The following CALD1 variants were observed in gnomAD, a reference collection of about 807,000 sequenced individuals.
CALD1 encodes caldesmon 1, also known as caldesmon.
CALD1 carries 33 observed loss-of-function variants against 99.9 expected under a neutral mutation model. That is an observed-to-expected ratio of 0.33 (90% CI 0.25 to 0.44). CALD1 has a LOEUF of 0.44. Ranked by LOEUF, CALD1 falls within the 20% of genes least tolerant of loss-of-function variation. CALD1 has a pLI of 1.00. For missense variants in CALD1, 861 were observed against 962.1 expected, an observed-to-expected ratio of 0.89 and a Z score of 1.39; for synonymous variants, 310 against 325.0, an observed-to-expected ratio of 0.95 and a Z score of 0.50.
rs141120436 is a variant in CALD1 at position 134,745,202 on chromosome 7, T to C, written c.-130+839T>C. ...AGAGAAGATAAAATTAAAACTCCAT[T>C]TAAAAAGTTAATCAAATAAATACCT... is the stretch of plus-strand genomic sequence containing the variant. On this transcript the variant is annotated intron_variant, in intron 1 of 13. Transcript: ENST00000417172. 3.2e-3 allele frequency among the ~76,000 whole-genome samples: 484 copies of C among 152,294 alleles called. 1 individual carries two copies. The highest frequency in any genetic ancestry group is 4.7e-3 in the Non-Finnish European group (318 of 68,024).
chr7:134,925,056 G>A (rs1039030098), intron 3 of CALD1, among the ~76,000 whole-genome samples: 10 of 152,202 alleles, frequency 6.6e-5, no homozygotes, highest in Non-Finnish European at 8.8e-5. Context: ...ACCCAGTCTC[G>A]GGCAGTTCTT....
At chr7:134,927,635 T>C (rs925038512) in intron 3 of CALD1, among the ~76,000 whole-genome samples, 1 of 147,376 alleles carries the variant, frequency 6.8e-6, no homozygotes, top group Non-Finnish European at 1.5e-5. Context: ...CTTCAGCTCA[T>C]AGACATCTAT....
At chr7:134,734,638 G>A in the CALD1 span, among the ~76,000 whole-genome samples, 2 of 152,032 alleles carry the variant, frequency 1.3e-5, no homozygotes, top group Non-Finnish European at 2.9e-5. Flanking sequence ...TTTGTTTCCC[G>A]AGCTGTTCTT....
chr7:134,910,245 A>G (rs950903702), intron 3 of CALD1, among the ~76,000 whole-genome samples: 5 of 152,202 alleles, frequency 3.3e-5, no homozygotes, highest in Non-Finnish European at 7.3e-5. Context: ...TAACTGATAA[A>G]CCTAACTCCA....
rs1035179060 is a variant in CALD1 at position 134,959,035 on chromosome 7, G to A, written c.2061+745G>A. 2.0e-5 allele frequency among the ~76,000 whole-genome samples: 3 copies of A among 150,982 alleles called. No individual in the cohort carries two copies. In the East Asian group the frequency reaches 5.8e-4, roughly 29 times the overall value. On this transcript the variant is annotated intron_variant, in intron 11 of 14. Coordinates refer to ENST00000361675, the MANE Select transcript of CALD1 (RefSeq NM_033138.4). Reference sequence around the variant, plus strand: ...GTACTGCCCCCCAATTGTGTGCCATGCTTTATGGCACATCATTATTTTTCA... The same window carrying A: ...GTACTGCCCCCCAATTGTGTGCCATACTTTATGGCACATCATTATTTTTCA...
At chr7:134,950,115 A>G (rs1584653689) in intron 8 of CALD1, among the ~76,000 whole-genome samples, 2 of 152,188 alleles carry the variant, frequency 1.3e-5, no homozygotes, top group South Asian at 4.1e-4. Flanking sequence ...CCTGTTTTAC[A>G]GATGAAGAAA....
At chr7:134,895,298 A>ATGTGTGTGTGTGTGTG (rs71172482) in intron 3 of CALD1, among the ~76,000 whole-genome samples, 1 of 138,646 alleles carries the variant, frequency 7.2e-6, no homozygotes, top group African/African-American at 2.6e-5. Context: ...TTATATATGT[A>ATGTGTGTGTGTGTGTG]TGTGTGTGTG....
At chr7:134,890,330 G>A (rs1802091689) in intron 3 of CALD1, among the ~76,000 whole-genome samples, 1 of 152,210 alleles carries the variant, frequency 6.6e-6, no homozygotes, top group South Asian at 2.1e-4. Context: ...AGTAGTAGAT[G>A]CAGTTCAGCT....
At chr7:134,832,838 C>T (rs1799285479) in intron 1 of CALD1, among the ~76,000 whole-genome samples, 1 of 152,192 alleles carries the variant, frequency 6.6e-6, no homozygotes, top group Non-Finnish European at 1.5e-5. Context: ...TGTAGCTCTG[C>T]TCAAGGTTCT....
At chr7:134,863,749 T>G (rs1180654918) in intron 2 of CALD1, among the ~76,000 whole-genome samples, 1 of 152,180 alleles carries the variant, frequency 6.6e-6, no homozygotes, top group Admixed American at 6.5e-5. Context: ...CATCAGCTAT[T>G]GAACTAAATT....
At chr7:134,830,026 G>A (rs1304663942) in intron 1 of CALD1, among the ~76,000 whole-genome samples, 2 of 151,654 alleles carry the variant, frequency 1.3e-5, no homozygotes, top group Non-Finnish European at 2.9e-5. Context: ...GCTAAGATGG[G>A]AAAAACTTGG....
In CALD1 at chr7:134,928,775, CGAT is replaced by C; in HGVS notation, c.99_101del (p.Asp33del). 1.2e-6 allele frequency: 2 copies of C among 1,613,720 alleles called. No homozygotes were observed. Among genetic ancestry groups the C allele is most frequent in the Non-Finnish European group, 1.7e-6 (2 of 1,179,870 alleles). ...GCAGAATCGCCTACCAGAGGAATGA[CGAT>C]GATGAAGAGGAGGCAGCCCGGGAAC... On this transcript the variant is annotated inframe_deletion, in exon 4 of 15. Transcript: ENST00000361675.
At chr7:134,735,395 G>T in the CALD1 span, among the ~76,000 whole-genome samples, 3 of 152,182 alleles carry the variant, frequency 2.0e-5, no homozygotes, top group Non-Finnish European at 4.4e-5. Context: ...AACTGAGTTT[G>T]TATGGGTGAA....
chr7:134,918,272 A>G (rs1804358961), intron 3 of CALD1, among the ~76,000 whole-genome samples: 1 of 152,252 alleles, frequency 6.6e-6, no homozygotes, highest in Non-Finnish European at 1.5e-5. Context: ...ATGTTTTAAA[A>G]GAAAATGGCA....
rs541249181 is a variant in CALD1 at position 134,904,418 on chromosome 7, G to A, written c.72-24336G>A. Among the ~76,000 whole-genome samples, 210 of 151,346 alleles carry A rather than the reference G, an allele frequency of 1.4e-3. 1 individual carries two copies. The highest frequency in any genetic ancestry group is 4.9e-3 in the African/African-American group (201 of 41,152). On this transcript the variant is annotated intron_variant, in intron 3 of 14. Coordinates refer to ENST00000361675, the MANE Select transcript of CALD1 (RefSeq NM_033138.4). ...CAACATGGTGAAATCTCGTCTCTACGAAAACTAAAAAAATTAGCTGGGCAT... is the reference window on the plus strand; with the variant it reads ...CAACATGGTGAAATCTCGTCTCTACAAAAACTAAAAAAATTAGCTGGGCAT...
chr7:134,732,678 G>T, the CALD1 span, among the ~76,000 whole-genome samples: 2 of 152,304 alleles, frequency 1.3e-5, no homozygotes, highest in South Asian at 2.1e-4. Flanking sequence ...ACCAAGACAG[G>T]TTCTCTACCT....
intron 1 of CALD1, among the ~76,000 whole-genome samples, chr7:134,793,630 T>G (rs1713920167): frequency 6.6e-6 from 1 of 152,150 alleles, no homozygotes; most frequent in Admixed American, 6.5e-5. Flanking sequence ...ACAGGATGAC[T>G]ATACCATTTA....
chr7:134,933,233 G>A lies in CALD1; in HGVS notation c.464G>A (p.Ser155Asn). Residue 155 changes from serine to asparagine, a missense_variant, in exon 5 of 15, where the codon AGT (serine) becomes AAT (asparagine). Physicochemically the swap from Ser to Asn is conservative, Grantham distance 46 (BLOSUM62 1). Coordinates refer to ENST00000361675, the MANE Select transcript of CALD1 (RefSeq NM_033138.4). ...ETTEKEEKSE[S>N]RQERYEIEET... is the part of the protein sequence containing the mutation. ...ACCGAGAAGGAAGAAAAAAGTGAAA[G>A]TCGCCAAGAAAGATACGAGATAGAG... is the stretch of plus-strand genomic sequence containing the variant. The A allele has an allele frequency of 6.2e-7, 1 of 1,609,176 alleles. No homozygotes were observed.
intron 3 of CALD1, chr7:134,891,744 G>C: frequency 2.3e-6 from 1 of 431,278 alleles, no homozygotes; most frequent in Non-Finnish European, 3.3e-6. Context: ...ACGAATTGTT[G>C]TAAAAAAAAA....
Sources: allele counts gnomAD v4.1 joint callset (sites outside exome capture counted in the v4.1 genomes callset), GRCh38; gene constraint gnomAD v4.1.1; transcripts MANE v1.5; gene names NCBI Gene and HGNC (gene_info 2026-07-23, HGNC 2026-07-21).